ERCC3: variants seen among roughly 807,000 people sequenced by gnomAD.
ERCC3 encodes the protein general transcription and DNA repair factor IIH helicase/translocase subunit XPB.
Under a neutral mutation model 94.2 loss-of-function variants are expected in ERCC3, and 66 were observed. That is an observed-to-expected ratio of 0.70 (90% CI 0.57 to 0.86). ERCC3 has a LOEUF of 0.86. Ranked by LOEUF, ERCC3 falls within the 40% of genes least tolerant of loss-of-function variation. The pLI, the probability that ERCC3 is intolerant of heterozygous loss-of-function variation, is 0.00. For synonymous variants in ERCC3, 349 were observed against 369.1 expected (o/e 0.95, Z 0.63); for missense variants, 829 against 987.1 (o/e 0.84, Z 2.15).
intron 8 of ERCC3, among the ~76,000 whole-genome samples, chr2:127,282,384 T>C (rs939724061): frequency 2.6e-5 from 4 of 152,224 alleles, no homozygotes; most frequent in African/African-American, 9.6e-5. Context: ...CAGTGCCAAG[T>C]ACAGTGCCTA....
chr2:127,292,997 A>G, intron 2 of ERCC3, 151 bp from the exon 3 acceptor site: 1 of 672,322 alleles, frequency 1.5e-6, no homozygotes, highest in South Asian at 1.6e-5. Context: ...GGGGCCTGTT[A>G]CATTAATCAG....
At chr2:127,290,553 A>G in intron 3 of ERCC3, 1 of 492,306 alleles carries the variant, frequency 2.0e-6, no homozygotes, top group African/African-American at 1.9e-5. Context: ...TTTCCTCTCT[A>G]TTCCCACAGC....
chr2:127,272,178 C>T (rs2104749285), intron 11 of ERCC3, among the ~76,000 whole-genome samples: 1 of 152,112 alleles, frequency 6.6e-6, no homozygotes, highest in Admixed American at 6.6e-5. Context: ...GCGTCTGCCA[C>T]CACACCCAGC....
At position 127,257,557 on chromosome 2, in the gene ERCC3, G is replaced by A. The variant is rs2104725416; in HGVS notation, c.*39C>T. ...CTGAAAATCCCTTTCCAACAAGGGT[G>A]CCAAGCGCCGGTCTTGAACGAAGTA... On this transcript the variant is annotated 3_prime_UTR_variant, in exon 15 of 15. Transcript: ENST00000285398. The surrounding 1 kb of genome is among the most constrained non-coding windows in gnomAD (Gnocchi z 5.4). 2 of 1,611,964 alleles carry A rather than the reference G, an allele frequency of 1.2e-6. No individual in the cohort carries two copies. The highest frequency in any genetic ancestry group is 2.7e-5 in the African/African-American group (2 of 74,988).
intron 8 of ERCC3, among the ~76,000 whole-genome samples, chr2:127,283,440 A>G (rs1215459667): frequency 6.6e-6 from 1 of 152,200 alleles, no homozygotes; most frequent in Non-Finnish European, 1.5e-5. Flanking sequence ...TTCACTACTG[A>G]GTAGTGTTCC....
At chr2:127,262,518 T>C (rs1295953415) in intron 12 of ERCC3, 1 of 152,204 alleles carries the variant, frequency 6.6e-6, no homozygotes, top group Non-Finnish European at 1.5e-5. Context: ...CAAAACATTA[T>C]GCTAAGTGAA....
At chr2:127,287,277 A>G (rs1336876905) in intron 7 of ERCC3, among the ~76,000 whole-genome samples, 1 of 152,136 alleles carries the variant, frequency 6.6e-6, no homozygotes, top group African/African-American at 2.4e-5. Flanking sequence ...TAAATGTCAA[A>G]ATCTCAAAAC....
rs1684653950 is a variant in ERCC3 at position 127,274,033 on chromosome 2, G to A, written c.1731-1072C>T. 6.6e-6 allele frequency among the ~76,000 whole-genome samples: 1 copy of A among 151,510 alleles called. No individual in the cohort carries two copies. Among genetic ancestry groups the A allele is most frequent in the Non-Finnish European group, 1.5e-5 (1 of 67,888 alleles). On this transcript the variant is annotated intron_variant, in intron 10 of 14. Coordinates refer to ENST00000285398, the MANE Select transcript of ERCC3 (RefSeq NM_000122.2). The surrounding 1 kb of genome is among the most constrained non-coding windows in gnomAD (Gnocchi z 4.0). Reference sequence around the variant, plus strand: ...ATTACATTAAAAAAAAAAAAATCCAGCCAGGCGCGGTGGCTCACACCTGTA... The same window carrying A: ...ATTACATTAAAAAAAAAAAAATCCAACCAGGCGCGGTGGCTCACACCTGTA...
chr2:127,262,493 C>A (rs1238331244), intron 12 of ERCC3: 1 of 152,078 alleles, frequency 6.6e-6, no homozygotes, highest in Non-Finnish European at 1.5e-5. Context: ...ATTCCATCTC[C>A]AAAAAACAAA....
intron 2 of ERCC3, 99 bp downstream of exon 2, chr2:127,293,414 G>C: frequency 9.1e-7 from 1 of 1,097,754 alleles, no homozygotes; most frequent in Non-Finnish European, 1.4e-6. Context: ...CAGTTCTAGG[G>C]GCAGTATCCT....
chr2:127,261,472 C>T, intron 12 of ERCC3, 126 bp from the exon 13 acceptor site: 2 of 764,070 alleles, frequency 2.6e-6, no homozygotes, highest in Non-Finnish European at 4.8e-6. Context: ...GGGTTACCAC[C>T]TGAACTTGGC....
In ERCC3 at chr2:127,290,219, C is replaced by G. The variant is rs780805305; in HGVS notation, c.521+5G>C. ...TTGGGACAGGCCTGTCATGGAATCT[C>G]TTACCTGTTGTGCTTCAAGACCAGC... On this transcript the variant is annotated splice_donor_5th_base_variant and intron_variant, in intron 4 of 14. Coordinates refer to ENST00000285398, the MANE Select transcript of ERCC3 (RefSeq NM_000122.2). The G allele has an allele frequency of 1.2e-6, 2 of 1,613,144 alleles. No homozygotes were observed. The highest frequency in any genetic ancestry group is 2.7e-5 in the African/African-American group (2 of 74,948).
Position 127,259,264 on chromosome 2 carries a change from G to A in ERCC3, c.2217+32C>T. 6.2e-7 allele frequency: 1 copy of A among 1,613,614 alleles called. No homozygotes were observed. Among genetic ancestry groups the A allele is most frequent in the East Asian group, 2.2e-5 (1 of 44,874 alleles). On this transcript the variant is annotated intron_variant, in intron 14 of 14. Coordinates refer to ENST00000285398, the MANE Select transcript of ERCC3 (RefSeq NM_000122.2). This position sits in a 1 kb window ranked among gnomAD's most constrained non-coding sequence, Gnocchi z 4.9. ...ACAAACGCTGCCCTGTGAGAGCACT[G>A]ACACCTGGAACCTCCTCACCCATTT...
At chr2:127,282,791 T>C (rs561837811) in intron 8 of ERCC3, among the ~76,000 whole-genome samples, 7 of 152,326 alleles carry the variant, frequency 4.6e-5, no homozygotes, top group African/African-American at 1.7e-4. Context: ...TCCAGTGAAC[T>C]AGACGAGAGA....
At position 127,274,013 on chromosome 2, in the gene ERCC3, A is replaced by G. The variant is rs1388992605; in HGVS notation, c.1731-1052T>C. 6.7e-6 allele frequency among the ~76,000 whole-genome samples: 1 copy of G among 150,304 alleles called. No homozygotes were observed. The highest frequency in any genetic ancestry group is 2.5e-5 in the African/African-American group (1 of 40,776). On this transcript the variant is annotated intron_variant, in intron 10 of 14. Transcript: ENST00000285398. The surrounding 1 kb of genome is among the most constrained non-coding windows in gnomAD (Gnocchi z 4.0). ...CACCAGGCATTGAGCTGAGTATTAC[A>G]TTAAAAAAAAAAAAATCCAGCCAGG...
At chr2:127,263,260 T>G (rs1684250819) in intron 12 of ERCC3, among the ~76,000 whole-genome samples, 1 of 152,250 alleles carries the variant, frequency 6.6e-6, no homozygotes, top group African/African-American at 2.4e-5. Context: ...GTTTGGCAAT[T>G]TTAATGATAT....
chr2:127,285,488 T>TA (rs2104768748), intron 8 of ERCC3, among the ~76,000 whole-genome samples: 1 of 152,192 alleles, frequency 6.6e-6, no homozygotes, highest in East Asian at 1.9e-4. Flanking sequence ...GTCAGGAGTT[T>TA]GAGACCAGCC....
chr2:127,293,988 G>C, intron 1 of ERCC3, 66 bp downstream of exon 1: 1 of 1,583,424 alleles, frequency 6.3e-7, no homozygotes, highest in Non-Finnish European at 8.5e-7. Flanking sequence ...GAGCAGCTCC[G>C]AGGCAGAGCG....
At position 127,289,775 on chromosome 2, in the gene ERCC3, C is replaced by A; in HGVS notation, c.571G>T (p.Asp191Tyr). 1 of 1,614,074 alleles carries A rather than the reference C, an allele frequency of 6.2e-7. No homozygotes were observed. Among genetic ancestry groups the A allele is most frequent in the Non-Finnish European group, 8.5e-7 (1 of 1,179,992 alleles). Residue 191 changes from aspartate to tyrosine, a missense_variant, in exon 5 of 15, where the codon GAC (aspartate) becomes TAC (tyrosine). Coordinates refer to ENST00000285398, the MANE Select transcript of ERCC3 (RefSeq NM_000122.2). ...HPDVIQHLLQ[D>Y]PVIRECRLRN... The stretch of plus-strand genomic sequence containing the variant: ...AAGCGGCATTCTCGGATCACGGGGT[C>A]CTGGAGAAGATGCTGGATTACATCA...
Sources: gnomAD v4.1 joint callset for allele counts (sites outside exome capture counted in the v4.1 genomes callset) on GRCh38, gnomAD v4.1.1 for gene constraint, Gnocchi (gnomAD v3.1) non-coding constraint, MANE v1.5 for transcripts, NCBI Gene and HGNC (gene_info 2026-07-23, HGNC 2026-07-21) for gene names.